NAV2: variants seen among roughly 807,000 people sequenced by gnomAD.
NAV2 encodes the protein helicase, APC down-regulated 1.
Under a neutral mutation model 223.2 loss-of-function variants are expected in NAV2, and 54 were observed. The observed-to-expected ratio is 0.24, with a 90% CI of 0.19 to 0.30. NAV2 has a LOEUF of 0.30. NAV2 is among the 10% of genes least tolerant of loss of function. The pLI, the probability that NAV2 is intolerant of heterozygous loss-of-function variation, is 1.00. For synonymous variants in NAV2, 1,279 were observed against 1,239.3 expected (o/e 1.03, Z -0.67); for missense variants, 2,806 against 3,147.5 (o/e 0.89, Z 2.60).
chr11:19,997,769 C>T (rs555565200), intron 11 of NAV2, among the ~76,000 whole-genome samples: 27 of 152,196 alleles, frequency 1.8e-4, no homozygotes, highest in East Asian at 1.7e-3. Context: ...GAGGGCAGGC[C>T]GCTGTTGACT....
chr11:19,393,181 T>C (rs1226577594), intron 1 of NAV2, among the ~76,000 whole-genome samples: 1 of 152,314 alleles, frequency 6.6e-6, no homozygotes, highest in Non-Finnish European at 1.5e-5. Flanking sequence ...GGCTTATGGG[T>C]TGATTACCTG....
intron 11 of NAV2, among the ~76,000 whole-genome samples, chr11:19,988,574 C>T (rs886319271): frequency 1.3e-5 from 2 of 151,952 alleles, no homozygotes; most frequent in African/African-American, 4.8e-5. Flanking sequence ...TTTTCATTAC[C>T]CTTCAAATTC....
chr11:19,432,027 G>C (rs1851054602), intron 1 of NAV2, among the ~76,000 whole-genome samples: 1 of 152,076 alleles, frequency 6.6e-6, no homozygotes, highest in Non-Finnish European at 1.5e-5. Context: ...ATGAAACCCT[G>C]TCTGTATTAA....
chr11:19,688,332 G>A (rs925406811), intron 1 of NAV2, among the ~76,000 whole-genome samples: 43 of 152,150 alleles, frequency 2.8e-4, no homozygotes, highest in Non-Finnish European at 5.0e-4. Context: ...CTTGACCTGT[G>A]TAATCTTATC....
chr11:19,567,748 A>C (rs1379731254), intron 1 of NAV2, among the ~76,000 whole-genome samples: 1 of 152,098 alleles, frequency 6.6e-6, no homozygotes, highest in Non-Finnish European at 1.5e-5. Context: ...TCCATAGGCT[A>C]TTCTGCAATC....
intron 1 of NAV2, among the ~76,000 whole-genome samples, chr11:19,429,275 G>T (rs555115490): frequency 0.057 from 8,613 of 152,256 alleles, 309 homozygotes; most frequent in South Asian, 0.086. Flanking sequence ...TTTATTTACT[G>T]GGCACTTCTT....
chr11:19,615,844 G>T (rs2046773598), intron 1 of NAV2, among the ~76,000 whole-genome samples: 1 of 152,130 alleles, frequency 6.6e-6, no homozygotes, highest in Non-Finnish European at 1.5e-5. Context: ...ACCACATAGG[G>T]TAGGCTTGTT....
At chr11:19,647,834 A>G (rs940376778) in intron 1 of NAV2, among the ~76,000 whole-genome samples, 1 of 152,228 alleles carries the variant, frequency 6.6e-6, no homozygotes, top group Non-Finnish European at 1.5e-5. Flanking sequence ...TGTCTGCTTC[A>G]GAGGTTTAAA....
chr11:20,008,673 T>A (rs2153504392), intron 11 of NAV2, among the ~76,000 whole-genome samples: 1 of 152,284 alleles, frequency 6.6e-6, no homozygotes, highest in East Asian at 1.9e-4. Context: ...GACTTGTGTA[T>A]TTCTTTTTCT....
At chr11:19,860,108 T>A (rs1218672247) in intron 3 of NAV2, among the ~76,000 whole-genome samples, 4 of 103,086 alleles carry the variant, frequency 3.9e-5, no homozygotes, top group Non-Finnish European at 4.0e-5. Context: ...CACTTCCCAG[T>A]AGGGGCGGCC....
intron 1 of NAV2, among the ~76,000 whole-genome samples, chr11:19,381,204 A>G (rs1443275222): frequency 2.6e-5 from 4 of 151,846 alleles, no homozygotes; most frequent in Non-Finnish European, 5.9e-5. Flanking sequence ...CTGCTCCCCT[A>G]CTATCACAGT....
chr11:19,861,947 G>A (rs1211865228), intron 3 of NAV2, among the ~76,000 whole-genome samples: 1 of 152,176 alleles, frequency 6.6e-6, no homozygotes, highest in Non-Finnish European at 1.5e-5. Flanking sequence ...AGTATCTTTT[G>A]GGAGCCTCCA....
intron 12 of NAV2, among the ~76,000 whole-genome samples, chr11:20,036,603 C>A (rs983342558): frequency 6.6e-6 from 1 of 152,160 alleles, no homozygotes; most frequent in Non-Finnish European, 1.5e-5. Flanking sequence ...CCCCTGCTGA[C>A]GTGTTTTATT....
Position 19,842,941 on chromosome 11 carries a change from A to G in NAV2, c.438+18A>G. On this transcript the variant is annotated intron_variant, in intron 3 of 37. Transcript: ENST00000349880. ...CCCAAATGGTAAGTGGTGCATAGGT[A>G]GTAAATGTTTGAGTTCTGTCAGCAA... 1 of 1,611,488 alleles carries G rather than the reference A, an allele frequency of 6.2e-7. No individual in the cohort carries two copies. Among genetic ancestry groups the G allele is most frequent in the Middle Eastern group, 1.7e-4 (1 of 6,060 alleles).
At chr11:20,115,900 C>A (rs1192400027) in intron 37 of NAV2, among the ~76,000 whole-genome samples, 9 of 152,054 alleles carry the variant, frequency 5.9e-5, no homozygotes, top group Admixed American at 5.9e-4. Flanking sequence ...TTGATAGAAC[C>A]AAACCTTGTC....
At chr11:19,614,634 T>A (rs1253583191) in intron 1 of NAV2, among the ~76,000 whole-genome samples, 2 of 152,160 alleles carry the variant, frequency 1.3e-5, no homozygotes, top group Non-Finnish European at 2.9e-5. Flanking sequence ...TCACTCTTGG[T>A]GTCCTGCTGT....
intron 1 of NAV2, among the ~76,000 whole-genome samples, chr11:19,525,799 C>T (rs146203443): frequency 2.0e-5 from 3 of 152,230 alleles, no homozygotes; most frequent in African/African-American, 7.2e-5. Context: ...ACCTGCCCTC[C>T]CTTCCTTTGA....
At chr11:19,391,786 T>C (rs7124326) in intron 1 of NAV2, among the ~76,000 whole-genome samples, 93,555 of 151,928 alleles carry the variant, frequency 0.62, 31,229 homozygotes, top group Admixed American at 0.75. Context: ...TTTGTTCTTC[T>C]CCAGTGTGTC....
chr11:19,500,910 A>G (rs2042943669), intron 1 of NAV2, among the ~76,000 whole-genome samples: 1 of 152,182 alleles, frequency 6.6e-6, no homozygotes, highest in Non-Finnish European at 1.5e-5. Context: ...AAATCAACAC[A>G]AACTTGTTAT....
Sources: allele counts gnomAD v4.1 joint callset (sites outside exome capture counted in the v4.1 genomes callset), GRCh38; gene constraint gnomAD v4.1.1; transcripts MANE v1.5; gene names NCBI Gene and HGNC (gene_info 2026-07-23, HGNC 2026-07-21).